INPP4B: variants seen among roughly 807,000 people sequenced by gnomAD.
The protein encoded by INPP4B is inositol polyphosphate 4-phosphatase type II.
A neutral mutation model predicts 122.5 loss-of-function variants in INPP4B; 55 were observed. The observed-to-expected ratio is 0.45, with a 90% CI of 0.36 to 0.56. The LOEUF (loss-of-function observed/expected upper bound fraction) is 0.56. Among genes scored for constraint, INPP4B ranks in the 20% least tolerant of loss-of-function variants. The probability of loss-of-function intolerance (pLI) is 0.00; values close to 1 mark genes in which losing one functional copy is unlikely to be tolerated. For missense variants in INPP4B, 1,000 were observed against 1,097.7 expected, an observed-to-expected ratio of 0.91 and a Z score of 1.26; for synonymous variants, 403 against 388.7, an observed-to-expected ratio of 1.04 and a Z score of -0.43.
chr4:142,133,656 G>T (rs1465767801), intron 18 of INPP4B, among the ~76,000 whole-genome samples: 1 of 152,078 alleles, frequency 6.6e-6, no homozygotes, highest in Non-Finnish European at 1.5e-5. Context: ...CTTCCCCTAA[G>T]TTACCTGTTT....
At chr4:142,515,173 A>G (rs1028324551) in intron 2 of INPP4B, among the ~76,000 whole-genome samples, 1 of 152,154 alleles carries the variant, frequency 6.6e-6, no homozygotes, top group Non-Finnish European at 1.5e-5. Context: ...GTTATGCCAA[A>G]TTACTCTTTG....
intron 25 of INPP4B, among the ~76,000 whole-genome samples, chr4:142,063,474 C>T (rs1252073589): frequency 2.1e-4 from 32 of 152,110 alleles, no homozygotes; most frequent in Non-Finnish European, 1.5e-5. Context: ...TTTTCCTTGA[C>T]TGTGATAAAT....
At chr4:142,423,629 C>A in intron 5 of INPP4B, 2 of 249,186 alleles carry the variant, frequency 8.0e-6, no homozygotes, top group Non-Finnish European at 1.6e-5. Context: ...GTCATTGTAC[C>A]AGTACATATT....
intron 2 of INPP4B, among the ~76,000 whole-genome samples, chr4:142,481,643 A>G (rs1002175417): frequency 6.6e-6 from 1 of 152,136 alleles, no homozygotes; most frequent in African/African-American, 2.4e-5. Context: ...CTCTTGAAAC[A>G]TATTGGCATG....
rs1845070323 is a variant in INPP4B at position 142,211,915 on chromosome 4, C to A, written c.837-2889G>T. Among the ~76,000 whole-genome samples, 5 of 152,200 alleles carry A rather than the reference C, an allele frequency of 3.3e-5. No individual in the cohort carries two copies. In the South Asian group the frequency reaches 1.0e-3, roughly 32 times the overall value. ...GTTGCTACTGGGGATATGCTAATGC[C>A]TGGTCTTCACCTTGAGAGAGGCTGA... On this transcript the variant is annotated intron_variant, in intron 12 of 25. Transcript: ENST00000262992.
chr4:142,136,340 C>T (rs1804243206), intron 18 of INPP4B, among the ~76,000 whole-genome samples: 1 of 152,174 alleles, frequency 6.6e-6, no homozygotes, highest in Non-Finnish European at 1.5e-5. Flanking sequence ...CTTCATCACC[C>T]TATTGGACTT....
At chr4:142,756,397 A>G (rs1770527058) in intron 1 of INPP4B, among the ~76,000 whole-genome samples, 1 of 152,054 alleles carries the variant, frequency 6.6e-6, no homozygotes, top group South Asian at 2.1e-4. Flanking sequence ...CTTATTATTT[A>G]AGACACTCTA....
chr4:142,555,551 C>A (rs139957675), intron 2 of INPP4B, among the ~76,000 whole-genome samples: 1,810 of 152,144 alleles, frequency 0.012, 22 homozygotes, highest in Non-Finnish European at 0.018. Flanking sequence ...AGGGTGAGGA[C>A]TTTGAAACTG....
chr4:142,073,817 A>T (rs1383942140), intron 25 of INPP4B, among the ~76,000 whole-genome samples: 1 of 152,080 alleles, frequency 6.6e-6, no homozygotes, highest in Non-Finnish European at 1.5e-5. Context: ...TCCATAGATC[A>T]TTCAGGTTTG....
intron 7 of INPP4B, among the ~76,000 whole-genome samples, chr4:142,322,243 G>T (rs931055581): frequency 6.6e-6 from 1 of 151,912 alleles, no homozygotes; most frequent in African/African-American, 2.4e-5. Context: ...AATGATTTAG[G>T]TCACAGAATC....
At chr4:142,272,861 T>C (rs1746532723) in intron 9 of INPP4B, among the ~76,000 whole-genome samples, 1 of 152,086 alleles carries the variant, frequency 6.6e-6, no homozygotes, top group African/African-American at 2.4e-5. Flanking sequence ...AACACGTTTT[T>C]CTTCTCAAAA....
At chr4:142,373,721 G>A (rs933483229) in intron 7 of INPP4B, among the ~76,000 whole-genome samples, 4 of 151,822 alleles carry the variant, frequency 2.6e-5, no homozygotes, top group Non-Finnish European at 4.4e-5. Flanking sequence ...TAAGGATGAA[G>A]ACAAGTACAT....
At chr4:142,477,704 T>C (rs1560703025) in intron 2 of INPP4B, among the ~76,000 whole-genome samples, 1 of 152,092 alleles carries the variant, frequency 6.6e-6, no homozygotes, top group Non-Finnish European at 1.5e-5. Flanking sequence ...CCTGGAAACA[T>C]ACAGCTTCCA....
At chr4:142,285,503 A>G (rs952777583) in intron 9 of INPP4B, among the ~76,000 whole-genome samples, 1 of 151,990 alleles carries the variant, frequency 6.6e-6, no homozygotes, top group African/African-American at 2.4e-5. Context: ...TCATGGCCTC[A>G]GGTATACCAT....
At chr4:142,674,869 A>C (rs1351614228) in intron 2 of INPP4B, among the ~76,000 whole-genome samples, 1 of 152,108 alleles carries the variant, frequency 6.6e-6, no homozygotes, top group Non-Finnish European at 1.5e-5. Flanking sequence ...TGTTTAGAGG[A>C]AAATTTATAG....
chr4:142,659,695 G>C (rs1385632257), intron 2 of INPP4B, among the ~76,000 whole-genome samples: 1 of 152,042 alleles, frequency 6.6e-6, no homozygotes, highest in Non-Finnish European at 1.5e-5. Flanking sequence ...GTTTCCTTTT[G>C]GTAAAGTAAA....
chr4:142,533,730 T>C (rs1827880798), intron 2 of INPP4B, among the ~76,000 whole-genome samples: 1 of 152,134 alleles, frequency 6.6e-6, no homozygotes, highest in Non-Finnish European at 1.5e-5. Flanking sequence ...TAAAGAAACA[T>C]GTTTATAAGA....
intron 2 of INPP4B, among the ~76,000 whole-genome samples, chr4:142,663,702 T>A (rs897024068): frequency 3.9e-5 from 6 of 152,080 alleles, no homozygotes; most frequent in Non-Finnish European, 7.4e-5. Flanking sequence ...AAAGTAAAAT[T>A]AATATATTTA....
intron 1 of INPP4B, among the ~76,000 whole-genome samples, chr4:142,761,010 GTTATTTC>G (rs1771255480): frequency 6.6e-6 from 1 of 152,058 alleles, no homozygotes; most frequent in African/African-American, 2.4e-5. Flanking sequence ...ACAGTGTTCT[GTTATTTC>G]TTATTTATTT....
Sources: allele counts gnomAD v4.1 joint callset (sites outside exome capture counted in the v4.1 genomes callset), GRCh38; gene constraint gnomAD v4.1.1; transcripts MANE v1.5; gene names NCBI Gene and HGNC (gene_info 2026-07-23, HGNC 2026-07-21).